Variants in ROBO2 observed in about 807,000 individuals in gnomAD.
ROBO2 encodes the protein roundabout homolog 2.
In ROBO2, 53 loss-of-function variants were observed where a neutral mutation model predicts 160.8. That is an observed-to-expected ratio of 0.33 (90% CI 0.26 to 0.41). The LOEUF is 0.41. Ranked by LOEUF, ROBO2 falls within the 10% of genes least tolerant of loss-of-function variation. The pLI is 1.00. For missense variants in ROBO2, 1,577 were observed against 1,722.4 expected (o/e 0.92, Z 1.49); for synonymous variants, 664 against 611.7 (o/e 1.09, Z -1.26).
intron 2 of ROBO2, among the ~76,000 whole-genome samples, chr3:77,455,807 A>C (rs896911297): frequency 1.3e-5 from 2 of 152,078 alleles, no homozygotes; most frequent in African/African-American, 4.8e-5. Context: ...ATAAATATCA[A>C]ATGCCATCAT....
intron 2 of ROBO2, among the ~76,000 whole-genome samples, chr3:76,406,912 T>C (rs547719963): frequency 8.6e-5 from 13 of 151,824 alleles, no homozygotes; most frequent in African/African-American, 3.1e-4. Flanking sequence ...AATCATCCAA[T>C]GGATTTTCAT....
upstream of ROBO2, among the ~76,000 whole-genome samples, chr3:77,037,028 A>C (rs1328211470): frequency 2.0e-5 from 3 of 152,092 alleles, no homozygotes; most frequent in African/African-American, 7.2e-5. Context: ...TGAAATATGC[A>C]CATTTTTCTA....
chr3:77,540,053 A>G (rs1003564509), intron 6 of ROBO2, among the ~76,000 whole-genome samples: 4 of 152,198 alleles, frequency 2.6e-5, no homozygotes, highest in African/African-American at 9.7e-5. Context: ...TGCTACACGG[A>G]GAAGAATAAT....
chr3:76,548,690 G>A (rs956239512), intron 2 of ROBO2, among the ~76,000 whole-genome samples: 1 of 151,288 alleles, frequency 6.6e-6, no homozygotes, highest in Non-Finnish European at 1.5e-5. Flanking sequence ...ATAAAGTTGA[G>A]GAGTAAATGG....
chr3:76,253,127 C>T (rs1196101206), intron 2 of ROBO2, among the ~76,000 whole-genome samples: 2 of 152,140 alleles, frequency 1.3e-5, no homozygotes, highest in Admixed American at 6.6e-5. Context: ...CAAGTTGACA[C>T]ATAATGCTAT....
intron 2 of ROBO2, among the ~76,000 whole-genome samples, chr3:76,249,707 G>T (rs1705864797): frequency 6.6e-6 from 1 of 152,016 alleles, no homozygotes; most frequent in Admixed American, 6.6e-5. Context: ...TTATTTGCAA[G>T]AAAGCCAAAA....
At chr3:77,618,353 A>G (rs2094827140) in intron 22 of ROBO2, among the ~76,000 whole-genome samples, 4 of 152,174 alleles carry the variant, frequency 2.6e-5, no homozygotes, top group Admixed American at 2.6e-4. Context: ...GTAAATCAAA[A>G]ATTTCACATT....
intron 2 of ROBO2, among the ~76,000 whole-genome samples, chr3:76,249,682 A>G (rs949081594): frequency 6.6e-6 from 1 of 152,120 alleles, no homozygotes; most frequent in African/African-American, 2.4e-5. Context: ...TACTGCAGAA[A>G]ATTATTTGGC....
At chr3:77,536,267 C>A (rs2092094348) in intron 6 of ROBO2, among the ~76,000 whole-genome samples, 1 of 152,142 alleles carries the variant, frequency 6.6e-6, no homozygotes, top group African/African-American at 2.4e-5. Flanking sequence ...AAGCAGTCTG[C>A]AAAATTCCTG....
At chr3:76,920,111 A>G (rs2076568023) in intron 2 of ROBO2, among the ~76,000 whole-genome samples, 1 of 152,212 alleles carries the variant, frequency 6.6e-6, no homozygotes, top group Non-Finnish European at 1.5e-5. Context: ...AACTTTTGCC[A>G]ATAAATGTAT....
chr3:77,335,413 C>T (rs369796893), intron 2 of ROBO2, among the ~76,000 whole-genome samples: 9 of 152,036 alleles, frequency 5.9e-5, no homozygotes, highest in African/African-American at 1.7e-4. Flanking sequence ...TCTCAAAACA[C>T]GAACAAACAA....
At position 76,407,829 on chromosome 3, in the gene ROBO2, G is replaced by A. The variant is rs143075310; in HGVS notation, c.109+470227G>A. Among the ~76,000 whole-genome samples, 199 of 152,150 alleles carry A rather than the reference G, an allele frequency of 1.3e-3. 5 individuals are homozygous for A. The East Asian group carries it at 0.03, about 23-fold the overall frequency. ...AAAGAAACCATGATGCAGAACAAGC[G>A]AGTCCAACCCATGGCCCATGAGCCT... On this transcript the variant is annotated intron_variant, in intron 2 of 26. Transcript: ENST00000487694.
chr3:76,217,212 G>A (rs1703603970), intron 2 of ROBO2, among the ~76,000 whole-genome samples: 1 of 152,074 alleles, frequency 6.6e-6, no homozygotes, highest in Non-Finnish European at 1.5e-5. Flanking sequence ...GAGAAAGCAG[G>A]AAAGATCTAA....
At chr3:76,164,397 A>G (rs780484712) in intron 2 of ROBO2, among the ~76,000 whole-genome samples, 8 of 152,302 alleles carry the variant, frequency 5.3e-5, no homozygotes, top group South Asian at 2.1e-4. Context: ...GGAGGGTTTC[A>G]GTTTACTTTG....
intron 2 of ROBO2, among the ~76,000 whole-genome samples, chr3:76,966,211 C>T (rs962002445): frequency 2.6e-5 from 4 of 152,014 alleles, no homozygotes; most frequent in Admixed American, 6.6e-5. Context: ...CGTGAGCCAC[C>T]GTGCCCAGTC....
At chr3:76,018,411 G>T (rs1269357053) in intron 2 of ROBO2, among the ~76,000 whole-genome samples, 1 of 151,528 alleles carries the variant, frequency 6.6e-6, no homozygotes, top group Admixed American at 6.6e-5. Context: ...TAATCTTTTT[G>T]TTTTAATCTG....
At chr3:77,010,876 T>C (rs182952808) in intron 2 of ROBO2, among the ~76,000 whole-genome samples, 5,749 of 120,866 alleles carry the variant, frequency 0.048, 183 homozygotes, top group African/African-American at 0.073. Context: ...CTACCTTCCT[T>C]CCTCCCTCCC....
chr3:76,372,369 A>G (rs749631881), intron 2 of ROBO2, among the ~76,000 whole-genome samples: 50 of 152,010 alleles, frequency 3.3e-4, no homozygotes, highest in Admixed American at 2.4e-3. Context: ...AGTACAATCT[A>G]GCTGATTTCT....
intron 2 of ROBO2, among the ~76,000 whole-genome samples, chr3:77,279,864 G>A (rs1432632635): frequency 6.6e-6 from 1 of 152,074 alleles, no homozygotes; most frequent in African/African-American, 2.4e-5. Context: ...TTAGAAATTA[G>A]AGTTTGATGT....
Sources: gnomAD v4.1 joint callset for allele counts (sites outside exome capture counted in the v4.1 genomes callset) on GRCh38, gnomAD v4.1.1 for gene constraint, MANE v1.5 for transcripts, NCBI Gene and HGNC (gene_info 2026-07-23, HGNC 2026-07-21) for gene names.